The following SP100 variants were observed in gnomAD, a reference collection of about 807,000 sequenced individuals.
The protein encoded by SP100 is SP100 nuclear body protein.
SP100 carries 84 observed loss-of-function variants against 130.0 expected under a neutral mutation model. The observed-to-expected ratio is 0.65, with a 90% CI of 0.54 to 0.77. The LOEUF is 0.77. Among genes scored for constraint, SP100 ranks in the 30% least tolerant of loss-of-function variants. The probability of loss-of-function intolerance (pLI) is 0.00; values close to 1 mark genes in which losing one functional copy is unlikely to be tolerated. For synonymous variants in SP100, 331 were observed against 351.7 expected, an observed-to-expected ratio of 0.94 and a Z score of 0.66; for missense variants, 978 against 1,052.2, an observed-to-expected ratio of 0.93 and a Z score of 0.97.
At chr2:230,455,012 T>C (rs1490652073) in intron 8 of SP100, among the ~76,000 whole-genome samples, 1 of 152,186 alleles carries the variant, frequency 6.6e-6, no homozygotes, top group East Asian at 1.9e-4. Context: ...ATAAGTTGAC[T>C]CCTTCATCAT....
At chr2:230,466,851 CAG>C (rs1358220225) in intron 12 of SP100, among the ~76,000 whole-genome samples, 1 of 152,150 alleles carries the variant, frequency 6.6e-6, no homozygotes, top group African/African-American at 2.4e-5. Flanking sequence ...TGTAAGAAGA[CAG>C]AGGGCCAAGA....
chr2:230,514,481 T>C (rs1690789533), intron 24 of SP100, among the ~76,000 whole-genome samples: 1 of 152,196 alleles, frequency 6.6e-6, no homozygotes, highest in Admixed American at 6.6e-5. Flanking sequence ...AATAATAATT[T>C]TTGAAACTCA....
At chr2:230,536,170 G>T (rs1210518276) in intron 24 of SP100, among the ~76,000 whole-genome samples, 1 of 152,122 alleles carries the variant, frequency 6.6e-6, no homozygotes, top group Non-Finnish European at 1.5e-5. Context: ...TGGGAGACTG[G>T]AGAGAAAAAG....
intron 24 of SP100, among the ~76,000 whole-genome samples, chr2:230,512,000 A>G (rs780337861): frequency 2.0e-5 from 3 of 151,990 alleles, no homozygotes; most frequent in Admixed American, 6.6e-5. Flanking sequence ...CCAAATAGCC[A>G]GGACTACGGG....
rs181310384 is a variant in SP100, at chr2:230,497,169, G to A, written c.1646-1292G>A. 8.6e-4 allele frequency among the ~76,000 whole-genome samples: 131 copies of A among 152,276 alleles called. 1 individual carries two copies. Among genetic ancestry groups the A allele is most frequent in the African/African-American group, 3.1e-3 (129 of 41,564 alleles). The stretch of plus-strand genomic sequence containing the variant: ...TCCCAAGAGCTCTATAGTATTAGCA[G>A]ATCTTAAGCCCCAAATCTTCTAGTA... On this transcript the variant is annotated intron_variant, in intron 18 of 28. Coordinates refer to ENST00000340126, the MANE Select transcript of SP100 (RefSeq NM_001080391.2).
intron 2 of SP100, among the ~76,000 whole-genome samples, chr2:230,431,826 T>C (rs1304795876): frequency 1.3e-5 from 2 of 152,228 alleles, no homozygotes; most frequent in African/African-American, 2.4e-5. Flanking sequence ...TGTGGCTCAC[T>C]AAGTTACTCT....
At chr2:230,502,707 A>G (rs7576889) in intron 19 of SP100, among the ~76,000 whole-genome samples, 26,025 of 152,116 alleles carry the variant, frequency 0.17, 2,531 homozygotes, top group Middle Eastern at 0.3. Context: ...AATATAGGAT[A>G]CATCTCAGTT....
rs553938741 is a variant in SP100 at position 230,522,028 on chromosome 2, G to A, written c.2094+10862G>A. ...TGACTGTTTTGATATGGACTTTCTT[G>A]ATGGATTGTTTGTAATTGTGTGTGT... On this transcript the variant is annotated intron_variant, in intron 24 of 28. Coordinates refer to ENST00000340126, the MANE Select transcript of SP100 (RefSeq NM_001080391.2). 5.3e-5 allele frequency among the ~76,000 whole-genome samples: 8 copies of A among 152,306 alleles called. No individual in the cohort carries two copies. In the East Asian group the frequency reaches 1.5e-3, roughly 29 times the overall value.
At position 230,503,049 on chromosome 2, in the gene SP100, T is replaced by A. The variant is rs1244351465; in HGVS notation, c.1721-17T>A. 6.9e-6 allele frequency: 11 copies of A among 1,587,266 alleles called. No homozygotes were observed. Among genetic ancestry groups the A allele is most frequent in the Non-Finnish European group, 9.5e-6 (11 of 1,162,802 alleles). On this transcript the variant is annotated splice_polypyrimidine_tract_variant and intron_variant, in intron 19 of 28. Coordinates refer to ENST00000340126, the MANE Select transcript of SP100 (RefSeq NM_001080391.2). ...GCAATGTAAAGAGACATTTATGTTG[T>A]TTTTCAACTTTCTCAGGAAGAAAAG...
chr2:230,526,041 G>A (rs1451059861), intron 24 of SP100, among the ~76,000 whole-genome samples: 1 of 152,214 alleles, frequency 6.6e-6, no homozygotes, highest in African/African-American at 2.4e-5. Flanking sequence ...TGACAGCCCT[G>A]AAGAGAGCAG....
chr2:230,450,612 C>T (rs2063933002), intron 8 of SP100, among the ~76,000 whole-genome samples: 1 of 152,110 alleles, frequency 6.6e-6, no homozygotes, highest in Admixed American at 6.5e-5. Flanking sequence ...TATCCTTTGA[C>T]CAACATCTCC....
At chr2:230,521,415 G>A (rs1320529421) in intron 24 of SP100, among the ~76,000 whole-genome samples, 1 of 152,100 alleles carries the variant, frequency 6.6e-6, no homozygotes, top group African/African-American at 2.4e-5. Context: ...CTGACCCCCG[G>A]TGCCTGCCTA....
chr2:230,473,029 C>G (rs1487839922), intron 15 of SP100: 4 of 248,656 alleles, frequency 1.6e-5, no homozygotes, highest in African/African-American at 9.0e-5. Flanking sequence ...AAACTTAACA[C>G]CTCCAAAACT....
chr2:230,420,432 T>C (rs2062735401), intron 2 of SP100, among the ~76,000 whole-genome samples: 1 of 152,194 alleles, frequency 6.6e-6, no homozygotes, highest in Non-Finnish European at 1.5e-5. Flanking sequence ...GCCAGTGTAA[T>C]ACTGAATAGT....
chr2:230,535,357 A>G (rs1230114090), intron 24 of SP100, among the ~76,000 whole-genome samples: 2 of 152,232 alleles, frequency 1.3e-5, no homozygotes, highest in South Asian at 2.1e-4. Context: ...AAACTGATAC[A>G]TTCATAAAAT....
At chr2:230,539,966 C>T (rs541864533) in intron 25 of SP100, among the ~76,000 whole-genome samples, 4 of 152,278 alleles carry the variant, frequency 2.6e-5, no homozygotes, top group South Asian at 4.2e-4. Flanking sequence ...ATGATCTCTA[C>T]CGGGAATGTG....
chr2:230,506,593 C>A, intron 22 of SP100, 148 bp downstream of exon 22: 1 of 705,294 alleles, frequency 1.4e-6, no homozygotes, highest in Non-Finnish European at 2.3e-6. Flanking sequence ...AACGTTCTCA[C>A]CTGAACATTA....
chr2:230,506,422 T>C lies in SP100; in HGVS notation c.1990T>C (p.Tyr664His). The part of the protein sequence containing the change: ...NWKLSIRCGG[Y>H]TLKVLMENKF... ...GAAGCTAAGTATACGCTGCGGTGGA[T>C]ATACCCTGAAAGTCCTGATGGAGGT... Residue 664 changes from tyrosine (Y) to histidine (H), a missense_variant, in exon 22 of 29, where the codon TAT (tyrosine) becomes CAT (histidine). Tyr to His is a moderately conservative substitution (Grantham distance 83). Transcript: ENST00000340126. The C allele has an allele frequency of 1.2e-6, 2 of 1,613,906 alleles. No homozygotes were observed. Among genetic ancestry groups the C allele is most frequent in the African/African-American group, 1.3e-5 (1 of 75,034 alleles).
chr2:230,458,210 T>C (rs2064386119), intron 8 of SP100, among the ~76,000 whole-genome samples: 1 of 152,214 alleles, frequency 6.6e-6, no homozygotes. Flanking sequence ...ACTGATAACA[T>C]AAACAGATGA....
Sources: gnomAD v4.1 joint callset for allele counts (sites outside exome capture counted in the v4.1 genomes callset) on GRCh38, gnomAD v4.1.1 for gene constraint, MANE v1.5 for transcripts, NCBI Gene and HGNC (gene_info 2026-07-23, HGNC 2026-07-21) for gene names.